Variants in GALNT14 observed in about 807,000 individuals in gnomAD.
The protein encoded by GALNT14 is UDP-GalNAc:polypeptide N-acetylgalactosaminyltransferase 14.
Under a neutral mutation model 77.5 loss-of-function variants are expected in GALNT14, and 60 were observed. The ratio of observed to expected loss-of-function variants is 0.77; its 90% CI spans 0.63 to 0.96. The LOEUF (loss-of-function observed/expected upper bound fraction) is 0.96. GALNT14 is among the 40% of genes least tolerant of loss of function. The pLI, the probability that GALNT14 is intolerant of heterozygous loss-of-function variation, is 0.00. For synonymous variants in GALNT14, 280 were observed against 281.7 expected (o/e 0.99, Z 0.06); for missense variants, 710 against 731.0 (o/e 0.97, Z 0.33).
At chr2:30,888,527 C>T in the GALNT14 span, among the ~76,000 whole-genome samples, 26 of 152,260 alleles carry the variant, frequency 1.7e-4, no homozygotes, top group African/African-American at 5.5e-4. Context: ...TGAGTGTTAG[C>T]TCTTATTAAT....
intron 1 of GALNT14, among the ~76,000 whole-genome samples, chr2:31,083,244 C>T (rs1676242887): frequency 6.6e-6 from 1 of 152,128 alleles, no homozygotes. Flanking sequence ...GGGTCAGAAC[C>T]TGCAGATGGC....
At chr2:30,983,170 C>G (rs1480919284) in intron 2 of GALNT14, among the ~76,000 whole-genome samples, 1 of 152,084 alleles carries the variant, frequency 6.6e-6, no homozygotes, top group Non-Finnish European at 1.5e-5. Flanking sequence ...CTTAAGGGAC[C>G]ATGCCTCCTG....
intron 1 of GALNT14, among the ~76,000 whole-genome samples, chr2:31,016,736 C>T (rs545589499): frequency 2.0e-5 from 3 of 152,270 alleles, no homozygotes; most frequent in Admixed American, 2.0e-4. Flanking sequence ...GTTGAAATCT[C>T]CTACTATGAG....
chr2:30,946,712 A>G (rs1002342125), intron 6 of GALNT14, among the ~76,000 whole-genome samples: 27 of 152,188 alleles, frequency 1.8e-4, no homozygotes, highest in African/African-American at 6.3e-4. Flanking sequence ...CCAAGACTGC[A>G]GCCCCAAGAA....
chr2:31,022,192 G>A (rs1671763057), intron 1 of GALNT14, among the ~76,000 whole-genome samples: 1 of 152,360 alleles, frequency 6.6e-6, no homozygotes, highest in South Asian at 2.1e-4. Context: ...GGGAGGAAGG[G>A]AGGGAAGAAG....
intron 1 of GALNT14, among the ~76,000 whole-genome samples, chr2:31,052,460 G>A (rs1191321588): frequency 2.0e-5 from 3 of 152,154 alleles, no homozygotes; most frequent in African/African-American, 2.4e-5. Context: ...GATACCACCC[G>A]CACTCAGGAC....
chr2:30,980,753 A>G (rs921814978), intron 2 of GALNT14, among the ~76,000 whole-genome samples: 3 of 152,240 alleles, frequency 2.0e-5, no homozygotes, highest in African/African-American at 7.2e-5. Context: ...GACATGAGAA[A>G]GAGCTGGGAA....
chr2:30,916,687 C>A (rs1664698442), intron 13 of GALNT14, among the ~76,000 whole-genome samples: 1 of 152,198 alleles, frequency 6.6e-6, no homozygotes, highest in African/African-American at 2.4e-5. Flanking sequence ...CTGGCCATAG[C>A]TGTGGAAGCT....
chr2:30,902,322 T>C, the GALNT14 span, among the ~76,000 whole-genome samples: 1 of 152,154 alleles, frequency 6.6e-6, no homozygotes, highest in South Asian at 2.1e-4. Flanking sequence ...CTCTGCACAG[T>C]TGTAGAGATT....
chr2:30,900,594 C>T, the GALNT14 span, among the ~76,000 whole-genome samples: 1 of 152,154 alleles, frequency 6.6e-6, no homozygotes, highest in African/African-American at 2.4e-5. Context: ...ACAGCGGTGA[C>T]AGCTAATTAC....
chr2:31,035,649 AC>A (rs1672694977), intron 1 of GALNT14, among the ~76,000 whole-genome samples: 1 of 145,362 alleles, frequency 6.9e-6, no homozygotes, highest in Non-Finnish European at 1.5e-5. Context: ...ACACACACAC[AC>A]ACACACACTA....
At chr2:31,024,301 T>C (rs1317925143) in intron 1 of GALNT14, among the ~76,000 whole-genome samples, 1 of 152,110 alleles carries the variant, frequency 6.6e-6, no homozygotes, top group Non-Finnish European at 1.5e-5. Context: ...AGAGTACAAG[T>C]CAGATCACAT....
At chr2:31,082,139 G>A (rs1214714996) in intron 1 of GALNT14, among the ~76,000 whole-genome samples, 1 of 152,214 alleles carries the variant, frequency 6.6e-6, no homozygotes, top group African/African-American at 2.4e-5. Flanking sequence ...ACAGTCTCAA[G>A]GATGCCAGGA....
At chr2:30,980,829 C>T (rs942902598) in intron 2 of GALNT14, among the ~76,000 whole-genome samples, 1 of 152,206 alleles carries the variant, frequency 6.6e-6, no homozygotes, top group African/African-American at 2.4e-5. Context: ...CGCCTGTAAT[C>T]CCAGCACTTT....
Position 30,915,855 on chromosome 2 carries a change from CTT to C in GALNT14, c.1381-3515_1381-3514del, listed in dbSNP as rs1431847787. On this transcript the variant is annotated intron_variant, in intron 13 of 14. Transcript: ENST00000349752. ...GTTAAAGGCTGAAAGGGCCAGTGCC[CTT>C]TTACAAAAGCTTATATGTAACAAAA... Among the ~76,000 whole-genome samples, 47 of 152,186 alleles carry C rather than the reference CTT, an allele frequency of 3.1e-4. 1 individual carries two copies. Among genetic ancestry groups the C allele is most frequent in the Admixed American group, 3.1e-3 (47 of 15,276 alleles).
chr2:30,953,079 C>A (rs974592828), intron 6 of GALNT14, among the ~76,000 whole-genome samples: 4 of 152,194 alleles, frequency 2.6e-5, no homozygotes, highest in Non-Finnish European at 5.9e-5. Flanking sequence ...GATTCTGCAA[C>A]CTTAACCTTT....
At chr2:31,046,567 C>T (rs1328315555) in intron 1 of GALNT14, among the ~76,000 whole-genome samples, 1 of 152,034 alleles carries the variant, frequency 6.6e-6, no homozygotes, top group African/African-American at 2.4e-5. Context: ...TATATACATC[C>T]AGGCCCAAAA....
chr2:30,967,761 C>T (rs1307604779), intron 2 of GALNT14, among the ~76,000 whole-genome samples: 1 of 152,170 alleles, frequency 6.6e-6, no homozygotes, highest in Non-Finnish European at 1.5e-5. Flanking sequence ...CTGCCCCTGC[C>T]AGTCATGTCC....
intron 1 of GALNT14, among the ~76,000 whole-genome samples, chr2:31,108,217 G>A (rs1423656848): frequency 6.6e-6 from 1 of 152,104 alleles, no homozygotes; most frequent in Non-Finnish European, 1.5e-5. Context: ...GGCTACAGAT[G>A]GACAACATCA....
Sources: gnomAD v4.1 joint callset for allele counts (sites outside exome capture counted in the v4.1 genomes callset) on GRCh38, gnomAD v4.1.1 for gene constraint, MANE v1.5 for transcripts, NCBI Gene and HGNC (gene_info 2026-07-23, HGNC 2026-07-21) for gene names.